The following PPP1R1C variants were observed in gnomAD, a reference collection of about 807,000 sequenced individuals.
PPP1R1C encodes protein phosphatase 1 regulatory inhibitor subunit 1C, also known as protein phosphatase 1 regulatory subunit 1C.
A neutral mutation model predicts 17.4 loss-of-function variants in PPP1R1C; 15 were observed. That is an observed-to-expected ratio of 0.86 (90% CI 0.58 to 1.33). The LOEUF (loss-of-function observed/expected upper bound fraction) is 1.33. Ranked by LOEUF, PPP1R1C falls within the 40% of genes most tolerant of loss-of-function variation. PPP1R1C has a pLI of 0.00. For synonymous variants in PPP1R1C, 35 were observed against 43.1 expected (o/e 0.81, Z 0.73); for missense variants, 143 against 130.0 (o/e 1.10, Z -0.48).
chr2:182,067,361 C>A (rs1688015126), intron 4 of PPP1R1C, among the ~76,000 whole-genome samples: 1 of 151,024 alleles, frequency 6.6e-6, no homozygotes, highest in Middle Eastern at 3.4e-3. Context: ...TCAACCCCTT[C>A]TCATAATAAA....
At position 182,046,277 on chromosome 2, in the gene PPP1R1C, T is replaced by A. The variant is rs548414257; in HGVS notation, c.143-15165T>A. 1.7e-3 allele frequency among the ~76,000 whole-genome samples: 258 copies of A among 152,246 alleles called. 1 individual carries two copies. The highest frequency in any genetic ancestry group is 5.8e-3 in the African/African-American group (242 of 41,534). On this transcript the variant is annotated intron_variant, in intron 2 of 4. Transcript: ENST00000682840. ...CTCTAGATTTACTTAACCTACATAA[T>A]GCAACTTTGTACTTTGACCTATATC... is the stretch of plus-strand genomic sequence containing the variant.
chr2:182,041,233 T>C (rs1687172424), intron 2 of PPP1R1C, among the ~76,000 whole-genome samples: 1 of 152,206 alleles, frequency 6.6e-6, no homozygotes, highest in Non-Finnish European at 1.5e-5. Context: ...TGTGTTTTAA[T>C]CTAAGTTTCT....
At chr2:182,018,012 T>C (rs1437694557) in intron 2 of PPP1R1C, among the ~76,000 whole-genome samples, 1 of 152,200 alleles carries the variant, frequency 6.6e-6, no homozygotes, top group Non-Finnish European at 1.5e-5. Flanking sequence ...TGAGACTTTA[T>C]GTATTATACA....
chr2:182,009,624 T>A (rs1288282852), intron 2 of PPP1R1C, among the ~76,000 whole-genome samples: 1 of 152,154 alleles, frequency 6.6e-6, no homozygotes, highest in African/African-American at 2.4e-5. Context: ...AGAAGCTTTC[T>A]AACTGGATAT....
chr2:182,096,808 C>G (rs1688954639), intron 4 of PPP1R1C, among the ~76,000 whole-genome samples: 1 of 152,154 alleles, frequency 6.6e-6, no homozygotes, highest in Non-Finnish European at 1.5e-5. Context: ...TCAAGTAGCT[C>G]CTTCTGTCAA....
At chr2:182,119,843 C>A (rs1463440247), downstream of PPP1R1C, among the ~76,000 whole-genome samples, 1 of 152,082 alleles carries the variant, frequency 6.6e-6, no homozygotes, top group Non-Finnish European at 1.5e-5. Context: ...AAATGTTCTC[C>A]CATTTTGTAG....
At chr2:181,972,984 A>G (rs578024926) in intron 1 of PPP1R1C, among the ~76,000 whole-genome samples, 38 of 152,322 alleles carry the variant, frequency 2.5e-4, no homozygotes, top group Admixed American at 1.2e-3. Flanking sequence ...AAGCAGTATA[A>G]TGAGTCATAT....
chr2:182,036,260 C>T (rs932878360), intron 2 of PPP1R1C, among the ~76,000 whole-genome samples: 1 of 152,134 alleles, frequency 6.6e-6, no homozygotes, highest in Non-Finnish European at 1.5e-5. Flanking sequence ...CTGGTTTCTC[C>T]ATTAATTATG....
chr2:182,075,550 G>A (rs568527454), intron 4 of PPP1R1C, among the ~76,000 whole-genome samples: 1 of 152,352 alleles, frequency 6.6e-6, no homozygotes, highest in East Asian at 1.9e-4. Flanking sequence ...AGAGCAGGCT[G>A]CCTGATGAGC....
At chr2:182,099,323 C>T (rs1689033181) in intron 4 of PPP1R1C, among the ~76,000 whole-genome samples, 1 of 152,166 alleles carries the variant, frequency 6.6e-6, no homozygotes, top group South Asian at 2.1e-4. Flanking sequence ...AGGGAATCGA[C>T]TTTGGGTTGG....
intron 5 of PPP1R1C, among the ~76,000 whole-genome samples, chr2:182,128,568 G>A (rs576735757): frequency 6.6e-6 from 1 of 152,218 alleles, no homozygotes; most frequent in Admixed American, 6.5e-5. Flanking sequence ...TGATATCTGT[G>A]TGCTTGTATG....
intron 4 of PPP1R1C, among the ~76,000 whole-genome samples, chr2:182,101,487 G>T (rs1311004418): frequency 6.6e-6 from 1 of 152,150 alleles, no homozygotes; most frequent in South Asian, 2.1e-4. Flanking sequence ...TCAGGTCATG[G>T]TTGGGTAGAT....
chr2:182,030,497 T>TG (rs1686786514), intron 2 of PPP1R1C, among the ~76,000 whole-genome samples: 2 of 150,506 alleles, frequency 1.3e-5, no homozygotes, highest in Admixed American at 6.6e-5. Flanking sequence ...GTGCCCCTGC[T>TG]GGGGGGTGCC....
chr2:182,094,830 G>A (rs763809731), intron 4 of PPP1R1C, among the ~76,000 whole-genome samples: 1 of 152,176 alleles, frequency 6.6e-6, no homozygotes, highest in Non-Finnish European at 1.5e-5. Flanking sequence ...ATTAAGGTAG[G>A]CCAGGCCAAG....
At chr2:182,050,139 C>T (rs1349021009) in intron 2 of PPP1R1C, among the ~76,000 whole-genome samples, 4 of 152,094 alleles carry the variant, frequency 2.6e-5, no homozygotes, top group East Asian at 1.9e-4. Context: ...TGCTGTAAAC[C>T]GATCCATACT....
chr2:182,095,979 A>G (rs991031587), intron 4 of PPP1R1C, among the ~76,000 whole-genome samples: 39 of 146,214 alleles, frequency 2.7e-4, no homozygotes, highest in African/African-American at 9.2e-4. Flanking sequence ...TGTCTCAGAC[A>G]CACACAAAAA....
intron 2 of PPP1R1C, among the ~76,000 whole-genome samples, chr2:182,043,753 A>G (rs1574405694): frequency 6.6e-6 from 1 of 151,886 alleles, no homozygotes; most frequent in Admixed American, 6.6e-5. Context: ...ATTTGTTGCT[A>G]TTACTCAGAG....
intron 1 of PPP1R1C, among the ~76,000 whole-genome samples, chr2:181,970,575 C>T (rs1033181138): frequency 2.6e-5 from 4 of 152,150 alleles, no homozygotes; most frequent in African/African-American, 9.7e-5. Context: ...CACTGCTTGG[C>T]TATCACCTAT....
intron 4 of PPP1R1C, among the ~76,000 whole-genome samples, chr2:182,087,053 G>A (rs1688648858): frequency 6.6e-6 from 1 of 152,024 alleles, no homozygotes; most frequent in Non-Finnish European, 1.5e-5. Context: ...TCACATCCAA[G>A]CTACCAGGAA....
Sources: gnomAD v4.1 joint callset for allele counts (sites outside exome capture counted in the v4.1 genomes callset) on GRCh38, gnomAD v4.1.1 for gene constraint, MANE v1.5 for transcripts, NCBI Gene and HGNC (gene_info 2026-07-23, HGNC 2026-07-21) for gene names.